The following TTC3 variants were observed in gnomAD, a reference collection of about 807,000 sequenced individuals.
TTC3 encodes E3 ubiquitin-protein ligase TTC3.
In TTC3, 180 loss-of-function variants were observed where a neutral mutation model predicts 249.6. That is an observed-to-expected ratio of 0.72 (90% confidence interval 0.64 to 0.82). The LOEUF (loss-of-function observed/expected upper bound fraction) is 0.82, where lower values mean the gene tolerates loss of function less well. Ranked by LOEUF, TTC3 falls within the 40% of genes least tolerant of loss-of-function variation. TTC3 has a pLI of 0.00. For missense variants in TTC3, 2,061 were observed against 2,398.4 expected (o/e 0.86, Z 2.94); for synonymous variants, 717 against 805.0 (o/e 0.89, Z 1.85).
intron 9 of TTC3, among the ~76,000 whole-genome samples, 179 bp from the exon 10 acceptor site, chr21:37,096,402 T>C (rs770419683): frequency 6.6e-6 from 1 of 152,236 alleles, no homozygotes. Flanking sequence ...AAGTTACTTA[T>C]GTAAGAAGTG....
At chr21:37,139,957 T>C (rs2835624) in intron 19 of TTC3, among the ~76,000 whole-genome samples, 45,625 of 152,014 alleles carry the variant, frequency 0.3, 7,348 homozygotes, top group South Asian at 0.52. Flanking sequence ...TCACTCACAG[T>C]AGGGTTACCA....
chr21:37,088,765 A>C (rs781363127), intron 4 of TTC3, 34 bp from the exon 5 acceptor site: 4 of 1,569,974 alleles, frequency 2.5e-6, no homozygotes, highest in Middle Eastern at 2.2e-4. Flanking sequence ...ATATATGAGA[A>C]TCTAATCTTT....
chr21:37,130,256 ATAT>A (rs1364732245), intron 16 of TTC3, among the ~76,000 whole-genome samples: 7 of 152,092 alleles, frequency 4.6e-5, no homozygotes, highest in African/African-American at 1.7e-4. Context: ...AGGATATAGC[ATAT>A]TATTATGTTT....
Position 37,169,874 on chromosome 21 carries a change from C to T in TTC3, c.4467+2254C>T, listed in dbSNP as rs139652667. On this transcript the variant is annotated intron_variant, in intron 34 of 45. Coordinates refer to ENST00000355666, the Ensembl canonical transcript of TTC3. ...AAAAAAAAAAAACAAAAAACAAAAC[C>T]GAAGATGGCAAATTATCAGTGAGCA... Among the ~76,000 whole-genome samples, 1,129 of 149,996 alleles carry T rather than the reference C, an allele frequency of 7.5e-3. 15 individuals are homozygous for T. Among genetic ancestry groups the T allele is most frequent in the African/African-American group, 0.026 (1,077 of 40,952 alleles).
rs58322803 is a variant in TTC3, at chr21:37,190,766, A to G, written c.5025-568A>G. ...AAAAGAATGCTCTGTTTTTTCTTCA[A>G]TATGTATAATGAGGTCTTACTATAC... On this transcript the variant is annotated intron_variant, in intron 39 of 45. Transcript: ENST00000355666. 6.5e-3 allele frequency among the ~76,000 whole-genome samples: 993 copies of G among 152,328 alleles called. 11 individuals carry two copies. The highest frequency in any genetic ancestry group is 0.022 in the African/African-American group (926 of 41,570).
intron 31 of TTC3, among the ~76,000 whole-genome samples, chr21:37,163,731 A>G (rs543505432): frequency 6.6e-6 from 1 of 152,320 alleles, no homozygotes; most frequent in Non-Finnish European, 1.5e-5. Flanking sequence ...TACAATCTTC[A>G]TTTGTCTTTC....
intron 11 of TTC3, among the ~76,000 whole-genome samples, chr21:37,118,915 T>G (rs777850812): frequency 3.0e-4 from 46 of 152,210 alleles, no homozygotes; most frequent in Non-Finnish European, 4.9e-4. Flanking sequence ...TCTTGCATAT[T>G]TCATGTCTTT....
chr21:37,122,439 A>ATATATATAT (rs2076691172), intron 12 of TTC3, among the ~76,000 whole-genome samples: 1 of 23,300 alleles, frequency 4.3e-5, no homozygotes, highest in African/African-American at 1.6e-4. Flanking sequence ...TATATATATT[A>ATATATATAT]TATATATATA....
chr21:37,111,078 C>T (rs1463618032), intron 11 of TTC3, among the ~76,000 whole-genome samples: 4 of 152,094 alleles, frequency 2.6e-5, no homozygotes, highest in African/African-American at 4.8e-5. Context: ...AAGGAACAAC[C>T]GGTACCAGCC....
At chr21:37,073,674 C>T (rs867520438) in intron 1 of TTC3, among the ~76,000 whole-genome samples, 3 of 152,106 alleles carry the variant, frequency 2.0e-5, no homozygotes, top group Non-Finnish European at 2.9e-5. Flanking sequence ...TGTGCGCAAC[C>T]CCCCGCTGCC....
At chr21:37,147,254 G>GA (rs2079058569) in intron 21 of TTC3, among the ~76,000 whole-genome samples, 1 of 151,902 alleles carries the variant, frequency 6.6e-6, no homozygotes, top group African/African-American at 2.4e-5. Context: ...TCGAAATTCT[G>GA]AAAAAAAATT....
At chr21:37,120,432 G>C (rs1461884671) in intron 11 of TTC3, among the ~76,000 whole-genome samples, 2 of 152,132 alleles carry the variant, frequency 1.3e-5, no homozygotes, top group Non-Finnish European at 2.9e-5. Context: ...AAAGTTCTCT[G>C]CAAATTTAGT....
At position 37,084,484 on chromosome 21, in the gene TTC3, C is replaced by T. The variant is rs368087532; in HGVS notation, c.-11-2763C>T. On this transcript the variant is annotated intron_variant, in intron 1 of 45. Coordinates refer to ENST00000355666, the Ensembl canonical transcript of TTC3. ...TAGCATTTCCCATATACCTGGTACTCTTCTAAGCTCTTTACATGTATTAAC... is the reference window on the plus strand; with the variant it reads ...TAGCATTTCCCATATACCTGGTACTTTTCTAAGCTCTTTACATGTATTAAC... Among the ~76,000 whole-genome samples, 25 of 152,298 alleles carry T rather than the reference C, an allele frequency of 1.6e-4. No homozygotes were observed. In the South Asian group the frequency reaches 2.1e-3, roughly 13 times the overall value.
chr21:37,195,851 G>A, exon 42 of TTC3: 1 of 1,614,246 alleles, frequency 6.2e-7, no homozygotes, highest in Non-Finnish European at 8.5e-7. Flanking sequence ...CCCCTGGTCA[G>A]CCTGAAGCCA....
Position 37,099,874 on chromosome 21 carries a change from C to T in TTC3, c.845+3231C>T, listed in dbSNP as rs907678383. On this transcript the variant is annotated intron_variant, in intron 10 of 45. Transcript: ENST00000355666. ...GTTTGTAAGAGTAAAGAAATGAAAA[C>T]GACCTAAATGGCCATCAATAGGGGA... Among the ~76,000 whole-genome samples the T allele has an allele frequency of 3.3e-5, 5 of 152,050 alleles. No homozygotes were observed. In the East Asian group the frequency reaches 7.7e-4, roughly 23 times the overall value.
chr21:37,179,125 A>G (rs977465429), intron 35 of TTC3, among the ~76,000 whole-genome samples: 10 of 152,218 alleles, frequency 6.6e-5, no homozygotes, highest in Non-Finnish European at 1.5e-5. Context: ...AAATTAAAAA[A>G]TTAAATAAAT....
At chr21:37,148,850 C>T (rs901993637) in intron 23 of TTC3, among the ~76,000 whole-genome samples, 4 of 152,058 alleles carry the variant, frequency 2.6e-5, no homozygotes, top group African/African-American at 4.8e-5. Flanking sequence ...TTTAAAGAGA[C>T]GGATCTCACT....
intron 1 of TTC3, among the ~76,000 whole-genome samples, chr21:37,074,312 C>A (rs565493763): frequency 6.6e-6 from 1 of 152,302 alleles, no homozygotes; most frequent in South Asian, 2.1e-4. Flanking sequence ...TTCAGCCAGC[C>A]TGTTCAGGAG....
At chr21:37,166,019 G>A in exon 33 of TTC3, 1 of 1,614,170 alleles carries the variant, frequency 6.2e-7, no homozygotes, top group Non-Finnish European at 8.5e-7. Context: ...TTCTGAGGAT[G>A]GGCAACCCAA....
Sources: allele counts gnomAD v4.1 joint callset (sites outside exome capture counted in the v4.1 genomes callset), GRCh38; gene constraint gnomAD v4.1.1; transcripts MANE v1.5; gene names NCBI Gene and HGNC (gene_info 2026-07-23, HGNC 2026-07-21).